TAFA5: variants seen among roughly 807,000 people sequenced by gnomAD.
TAFA5 encodes TAFA chemokine like family member 5.
TAFA5 carries 6 observed loss-of-function variants against 15.3 expected under a neutral mutation model. The ratio of observed to expected loss-of-function variants is 0.39; its 90% CI spans 0.21 to 0.77. The LOEUF is 0.77. Among genes scored for constraint, TAFA5 ranks in the 30% least tolerant of loss-of-function variants. TAFA5 has a pLI of 0.41. For synonymous variants in TAFA5, 103 were observed against 80.7 expected (o/e 1.28, Z -1.48); for missense variants, 161 against 193.1 (o/e 0.83, Z 0.98).
intron 1 of TAFA5, among the ~76,000 whole-genome samples, chr22:48,500,953 T>C (rs1463847500): frequency 1.3e-5 from 2 of 152,162 alleles, no homozygotes. Context: ...AAGGTCAGCC[T>C]CAAGGTCATC....
chr22:48,514,935 G>T (rs1013994325), intron 1 of TAFA5, among the ~76,000 whole-genome samples: 1 of 152,242 alleles, frequency 6.6e-6, no homozygotes, highest in Non-Finnish European at 1.5e-5. Flanking sequence ...TCCATTTTGG[G>T]GGTGAAAACA....
intron 1 of TAFA5, among the ~76,000 whole-genome samples, chr22:48,522,022 C>G (rs1375200138): frequency 6.6e-6 from 1 of 152,260 alleles, no homozygotes; most frequent in Non-Finnish European, 1.5e-5. Flanking sequence ...ATGGTTACTT[C>G]CCTTGCGGCC....
intron 2 of TAFA5, among the ~76,000 whole-genome samples, chr22:48,676,461 G>A (rs1209037946): frequency 4.6e-5 from 7 of 152,206 alleles, no homozygotes; most frequent in South Asian, 2.1e-4. Context: ...TGTGGCTCCC[G>A]CTCAGAGGCG....
At chr22:48,592,803 C>T (rs1478341640) in intron 1 of TAFA5, among the ~76,000 whole-genome samples, 1 of 152,174 alleles carries the variant, frequency 6.6e-6, no homozygotes, top group Non-Finnish European at 1.5e-5. Context: ...TTTTCTGGGG[C>T]ATTTGTAGGA....
intron 1 of TAFA5, among the ~76,000 whole-genome samples, chr22:48,561,488 C>T (rs1291918676): frequency 6.6e-6 from 1 of 152,148 alleles, no homozygotes; most frequent in Non-Finnish European, 1.5e-5. Flanking sequence ...GAAAAATCAC[C>T]CACACTTCTG....
intron 1 of TAFA5, among the ~76,000 whole-genome samples, chr22:48,581,462 G>C (rs1440523159): frequency 6.6e-6 from 1 of 152,244 alleles, no homozygotes; most frequent in Non-Finnish European, 1.5e-5. Flanking sequence ...CGAGAAAGCC[G>C]TGCGGAGAAT....
intron 1 of TAFA5, among the ~76,000 whole-genome samples, chr22:48,592,372 T>C (rs755604609): frequency 6.6e-6 from 1 of 152,222 alleles, no homozygotes; most frequent in East Asian, 1.9e-4. Flanking sequence ...TCTGCTGCCC[T>C]GCACGCAGGA....
At chr22:48,714,269 G>C (rs920542465) in intron 3 of TAFA5, among the ~76,000 whole-genome samples, 3 of 152,234 alleles carry the variant, frequency 2.0e-5, no homozygotes, top group Non-Finnish European at 4.4e-5. Flanking sequence ...GGGGAAAATG[G>C]CCTCCTGCTT....
At chr22:48,647,210 C>T (rs1041258261) in intron 2 of TAFA5, among the ~76,000 whole-genome samples, 3 of 152,116 alleles carry the variant, frequency 2.0e-5, no homozygotes, top group Admixed American at 6.5e-5. Flanking sequence ...CTCGGGAGGC[C>T]GCAGCTCCGG....
At chr22:48,678,581 G>GCAGGGCTGCGGCAGGCGGGGC (rs552713630) in intron 2 of TAFA5, among the ~76,000 whole-genome samples, 12,107 of 151,822 alleles carry the variant, frequency 0.08, 542 homozygotes, top group East Asian at 0.12. Context: ...TGTGACCTAA[G>GCAGGGCTGCGGCAGGCGGGGC]CAGGGCTGCG....
intron 3 of TAFA5, among the ~76,000 whole-genome samples, chr22:48,747,138 C>T (rs1289906884): frequency 6.6e-6 from 1 of 152,208 alleles, no homozygotes; most frequent in Non-Finnish European, 1.5e-5. Context: ...CCCTAATGCA[C>T]TTTGCTGCTC....
intron 2 of TAFA5, among the ~76,000 whole-genome samples, chr22:48,664,098 G>A (rs749303280): frequency 3.3e-5 from 5 of 152,182 alleles, no homozygotes; most frequent in East Asian, 1.9e-4. Flanking sequence ...TTATGGCCAC[G>A]GTGTATAAAA....
At chr22:48,681,367 G>T (rs369535275) in intron 2 of TAFA5, among the ~76,000 whole-genome samples, 29 of 152,190 alleles carry the variant, frequency 1.9e-4, no homozygotes, top group African/African-American at 6.7e-4. Context: ...ATGAGGCCGG[G>T]TGCGGTGGCT....
At chr22:48,701,597 A>T (rs1211004002) in intron 2 of TAFA5, among the ~76,000 whole-genome samples, 1 of 152,178 alleles carries the variant, frequency 6.6e-6, no homozygotes, top group Non-Finnish European at 1.5e-5. Context: ...CCTCAACTCC[A>T]TTCAAGGGTC....
rs112451503 is a variant in TAFA5 at position 48,643,241 on chromosome 22, G to A, written c.113-3356G>A. Among the ~76,000 whole-genome samples the A allele has an allele frequency of 3.8e-4, 58 of 152,368 alleles. 1 individual carries two copies. The highest frequency in any genetic ancestry group is 1.3e-3 in the African/African-American group (55 of 41,592). Reference sequence around the variant, plus strand: ...GTGTACCGTTCAGGCTGCCCGGTGCGTGGCTCGCTGTGGCGATCTGTTACG... The same window carrying A: ...GTGTACCGTTCAGGCTGCCCGGTGCATGGCTCGCTGTGGCGATCTGTTACG... On this transcript the variant is annotated intron_variant, in intron 1 of 3. Transcript: ENST00000402357.
intron 1 of TAFA5, among the ~76,000 whole-genome samples, chr22:48,580,358 G>T (rs778983242): frequency 9.2e-5 from 14 of 152,226 alleles, no homozygotes; most frequent in Non-Finnish European, 2.1e-4. Flanking sequence ...AATGCAGAGT[G>T]TTCGTCTATC....
At chr22:48,718,782 G>A (rs143698123) in intron 3 of TAFA5, among the ~76,000 whole-genome samples, 3 of 151,982 alleles carry the variant, frequency 2.0e-5, no homozygotes, top group African/African-American at 4.8e-5. Flanking sequence ...CCAGTCCTCC[G>A]TGTGAGCCTC....
In TAFA5 at chr22:48,542,096, A is replaced by ATGTGTGTGTGGTGTG. The variant is rs147056871; in HGVS notation, c.112+52412_112+52426dup. The stretch of plus-strand genomic sequence containing the variant: ...GTGCGTGTGTGTGTGTGCATGTGTG[A>ATGTGTGTGTGGTGTG]TGTGTGTGTGGTGTGTGTGTGTGTG... On this transcript the variant is annotated intron_variant, in intron 1 of 3. Coordinates refer to ENST00000402357, the MANE Select transcript of TAFA5 (RefSeq NM_001082967.3). 3.0e-5 allele frequency among the ~76,000 whole-genome samples: 4 copies of ATGTGTGTGTGGTGTG among 135,588 alleles called. No homozygotes were observed. In the East Asian group the frequency reaches 7.0e-4, roughly 24 times the overall value. The allele number at this position is 135,588 out of a possible 152,430, so 89.0% of individuals were successfully genotyped here.
chr22:48,530,017 C>G lies in TAFA5; in HGVS notation c.112+40313C>G, dbSNP rs189352768. 6.6e-6 allele frequency among the ~76,000 whole-genome samples: 1 copy of G among 152,052 alleles called. No homozygotes were observed. Among genetic ancestry groups the G allele is most frequent in the Non-Finnish European group, 1.5e-5 (1 of 67,996 alleles). On this transcript the variant is annotated intron_variant, in intron 1 of 3. Transcript: ENST00000402357. This position sits in a 1 kb window ranked among gnomAD's most constrained non-coding sequence, Gnocchi z 6.0. The stretch of plus-strand genomic sequence containing the variant: ...CAGGGGCTGTGGGCCCTCTGGACAC[C>G]CCCTGAGGACTGAGCTTGTGGCTGC...
Sources: gnomAD v4.1 joint callset for allele counts (sites outside exome capture counted in the v4.1 genomes callset) on GRCh38, gnomAD v4.1.1 for gene constraint, Gnocchi (gnomAD v3.1) non-coding constraint, MANE v1.5 for transcripts, NCBI Gene and HGNC (gene_info 2026-07-23, HGNC 2026-07-21) for gene names.